LRP1B: variants seen among roughly 807,000 people sequenced by gnomAD.
LRP1B encodes the protein low-density lipoprotein receptor-related protein 1B.
LRP1B carries 217 observed loss-of-function variants against 556.6 expected under a neutral mutation model. That is an observed-to-expected ratio of 0.39 (90% CI 0.35 to 0.44). The LOEUF is 0.44. Among genes scored for constraint, LRP1B ranks in the 20% least tolerant of loss-of-function variants. The pLI is 1.00. For missense variants in LRP1B, 5,053 were observed against 5,620.8 expected (o/e 0.90, Z 3.23); for synonymous variants, 2,047 against 1,865.8 (o/e 1.10, Z -2.50).
At chr2:142,093,729 T>G (rs747812908) in intron 1 of LRP1B, among the ~76,000 whole-genome samples, 2 of 151,804 alleles carry the variant, frequency 1.3e-5, no homozygotes, top group Non-Finnish European at 2.9e-5. Flanking sequence ...AAGATAAAGA[T>G]CTTGAGGAGT....
chr2:141,946,819 T>C (rs1286255527), intron 1 of LRP1B, among the ~76,000 whole-genome samples: 1 of 152,112 alleles, frequency 6.6e-6, no homozygotes, highest in East Asian at 1.9e-4. Flanking sequence ...CTAAAATAGA[T>C]TTTTTAAAGT....
intron 3 of LRP1B, among the ~76,000 whole-genome samples, chr2:141,330,622 A>C (rs1432168729): frequency 6.6e-6 from 1 of 152,180 alleles, no homozygotes; most frequent in Non-Finnish European, 1.5e-5. Flanking sequence ...TTGCAAAGCA[A>C]TGTAATTGTA....
At chr2:140,558,046 T>C (rs1680797179) in intron 43 of LRP1B, among the ~76,000 whole-genome samples, 2 of 152,076 alleles carry the variant, frequency 1.3e-5, no homozygotes, top group South Asian at 4.1e-4. Flanking sequence ...ACCAGGAAAA[T>C]GCAAGTCAAA....
At chr2:141,861,056 T>C (rs540407718) in intron 1 of LRP1B, among the ~76,000 whole-genome samples, 2 of 152,362 alleles carry the variant, frequency 1.3e-5, no homozygotes, top group South Asian at 2.1e-4. Context: ...TCTAACAATG[T>C]ATACGATAAA....
At chr2:142,102,389 C>T (rs1231002699) in intron 1 of LRP1B, among the ~76,000 whole-genome samples, 1 of 151,744 alleles carries the variant, frequency 6.6e-6, no homozygotes, top group Admixed American at 6.6e-5. Flanking sequence ...TTGTATCAGA[C>T]AAATTCACTT....
intron 2 of LRP1B, among the ~76,000 whole-genome samples, chr2:141,544,314 T>TTCTTCTTCTTCTTCTTTTCTTCC (rs1685406512): frequency 1.3e-4 from 3 of 23,708 alleles, no homozygotes; most frequent in African/African-American, 2.5e-4. Flanking sequence ...CTTCTTCTTC[T>TTCTTCTTCTTCTTCTTTTCTTCC]TCTTCTTCTT....
intron 2 of LRP1B, among the ~76,000 whole-genome samples, chr2:141,510,909 C>CACACA (rs70994436): frequency 0.027 from 3,784 of 138,916 alleles, 89 homozygotes; most frequent in African/African-American, 0.071. Flanking sequence ...CACACACACA[C>CACACA]CCCACACAAA....
chr2:140,420,789 A>G (rs1685406144), intron 66 of LRP1B, among the ~76,000 whole-genome samples: 1 of 152,220 alleles, frequency 6.6e-6, no homozygotes. Context: ...GTAAATGCAC[A>G]GTAATCTAGT....
chr2:141,166,203 A>T (rs1037739022), intron 7 of LRP1B, among the ~76,000 whole-genome samples: 2 of 151,924 alleles, frequency 1.3e-5, no homozygotes, highest in Admixed American at 1.3e-4. Context: ...CTTCTCAGAT[A>T]TGCCCTCTCT....
At chr2:140,750,244 A>C (rs931140060) in intron 35 of LRP1B, among the ~76,000 whole-genome samples, 23 of 152,292 alleles carry the variant, frequency 1.5e-4, no homozygotes, top group African/African-American at 5.5e-4. Flanking sequence ...TCCAGTGGTC[A>C]TCAGAAGTCT....
At chr2:140,525,723 AT>A in intron 49 of LRP1B, 120 bp downstream of exon 49, 1 of 843,740 alleles carries the variant, frequency 1.2e-6, no homozygotes, top group South Asian at 1.9e-5. Context: ...AGTCTGTGCC[AT>A]TTAAATTTTA....
intron 2 of LRP1B, among the ~76,000 whole-genome samples, chr2:141,644,009 A>AGT (rs1157822442): frequency 4.2e-4 from 11 of 26,074 alleles, no homozygotes; most frequent in African/African-American, 9.9e-4. Flanking sequence ...GAATGTGGAG[A>AGT]GTGTGTGTGT....
At chr2:140,345,729 CATATATATACAT>C (rs1558817827) in intron 77 of LRP1B, among the ~76,000 whole-genome samples, 9 of 125,214 alleles carry the variant, frequency 7.2e-5, no homozygotes, top group African/African-American at 1.1e-4. Flanking sequence ...TATATATACA[CATATATATACAT>C]ATATATACAC....
At chr2:140,729,888 C>A (rs1202111161) in intron 35 of LRP1B, among the ~76,000 whole-genome samples, 1 of 152,124 alleles carries the variant, frequency 6.6e-6, no homozygotes, top group Non-Finnish European at 1.5e-5. Flanking sequence ...TGCATTATTA[C>A]AATAAAAAAG....
At chr2:140,697,679 C>T (rs752656876) in intron 41 of LRP1B, among the ~76,000 whole-genome samples, 13 of 151,930 alleles carry the variant, frequency 8.6e-5, no homozygotes, top group Admixed American at 2.0e-4. Context: ...TGAAACAAGC[C>T]AGGCGCAAAG....
At chr2:140,270,421 CTG>C (rs1682405400) in intron 85 of LRP1B, 75 bp from the exon 86 acceptor site, 4 of 962,670 alleles carry the variant, frequency 4.2e-6, no homozygotes, top group Admixed American at 3.6e-5. Context: ...CATAAACTCT[CTG>C]TGGATGAGAA....
intron 2 of LRP1B, among the ~76,000 whole-genome samples, chr2:141,490,400 T>TGTGTGTGTGTGTGTG (rs66605553): frequency 9.3e-5 from 14 of 150,864 alleles, no homozygotes; most frequent in East Asian, 1.9e-4. Context: ...TGTGTGTGTG[T>TGTGTGTGTGTGTGTG]TTTCTGCTAA....
intron 31 of LRP1B, among the ~76,000 whole-genome samples, chr2:140,832,133 T>C (rs10168521): frequency 0.041 from 6,169 of 151,798 alleles, 410 homozygotes; most frequent in African/African-American, 0.14. Flanking sequence ...GGTTCACTTA[T>C]ATATGATTTT....
chr2:141,373,525 T>C (rs566290113), intron 3 of LRP1B, among the ~76,000 whole-genome samples: 41 of 152,220 alleles, frequency 2.7e-4, no homozygotes, highest in Admixed American at 4.6e-4. Context: ...GGGACTCCAG[T>C]GTTGGGTGCA....
Sources: gnomAD v4.1 joint callset for allele counts (sites outside exome capture counted in the v4.1 genomes callset) on GRCh38, gnomAD v4.1.1 for gene constraint, MANE v1.5 for transcripts, NCBI Gene and HGNC (gene_info 2026-07-23, HGNC 2026-07-21) for gene names.